CDK20: variants seen among roughly 807,000 people sequenced by gnomAD.
CDK20 encodes the protein cyclin dependent kinase 20.
A neutral mutation model predicts 38.6 loss-of-function variants in CDK20; 40 were observed. The observed-to-expected ratio is 1.04, with a 90% CI of 0.81 to 1.35. The LOEUF is 1.35. Among genes scored for constraint, CDK20 ranks in the 40% most tolerant of loss-of-function variants. CDK20 has a pLI of 0.00. For missense variants in CDK20, 512 were observed against 452.6 expected, an observed-to-expected ratio of 1.13 and a Z score of -1.19; for synonymous variants, 209 against 185.7, an observed-to-expected ratio of 1.13 and a Z score of -1.02.
intron 7 of CDK20, chr9:87,968,437 G>C (rs915941856): frequency 6.6e-6 from 1 of 152,528 alleles, no homozygotes; most frequent in African/African-American, 2.4e-5. Context: ...AAACACACGC[G>C]GCTGGTGCTG....
In CDK20 at chr9:87,967,367, G is replaced by A. The variant is rs565676896; in HGVS notation, c.*95C>T. ...TGTGGTGTGGGCCCACTGTGGCCAT[G>A]GGGAGGCCTTGGAGGGTGAAGCCAG... On this transcript the variant is annotated 3_prime_UTR_variant, in exon 8 of 8. Transcript: ENST00000325303. The A allele has an allele frequency of 4.2e-5, 53 of 1,267,570 alleles. No individual in the cohort carries two copies. Among genetic ancestry groups the A allele is most frequent in the Non-Finnish European group, 5.7e-5 (51 of 889,002 alleles). 78.5% of individuals were successfully genotyped at this position (1,267,570 alleles called of 1,614,324 possible). A position where few individuals can be genotyped will look rare whatever the true frequency, so the allele number is the denominator to read the frequency against.
At chr9:87,970,295 A>C in intron 5 of CDK20, 1 of 507,992 alleles carries the variant, frequency 2.0e-6, no homozygotes, top group East Asian at 3.1e-5. Context: ...ATCTAACTCC[A>C]GCACATATCG....
At chr9:87,972,613 T>TA (rs1587627345) in intron 2 of CDK20, among the ~76,000 whole-genome samples, 1 of 152,196 alleles carries the variant, frequency 6.6e-6, no homozygotes, top group Non-Finnish European at 1.5e-5. Flanking sequence ...TGACTTAACT[T>TA]ACACTTTTGA....
At chr9:87,969,029 T>C in intron 7 of CDK20, 165 bp downstream of exon 7, 2 of 761,022 alleles carry the variant, frequency 2.6e-6, no homozygotes, top group Non-Finnish European at 4.2e-6. Context: ...GCACACCTGC[T>C]CCAAGGCCCC....
chr9:87,971,916 C>CA (rs1829888693), intron 2 of CDK20, among the ~76,000 whole-genome samples: 2 of 152,158 alleles, frequency 1.3e-5, no homozygotes, highest in Admixed American at 6.5e-5. Context: ...AACCAAAATA[C>CA]AAGGGGGCTG....
Position 87,974,476 on chromosome 9 carries a change from TGCCCCTGA to T in CDK20, c.-38_-31del, listed in dbSNP as rs750172082. 111 of 1,595,144 alleles carry T rather than the reference TGCCCCTGA, an allele frequency of 7.0e-5. 1 individual carries two copies. The South Asian group carries it at 1.1e-3, about 15-fold the overall frequency. ...CTGCAGTCGTGGGCCTGTGCCCCTG[TGCCCCTGA>T]ACTTCCAAACTCCACTTCTCCTCCA... On this transcript the variant is annotated 5_prime_UTR_variant, in exon 1 of 8. Coordinates refer to ENST00000325303, the MANE Select transcript of CDK20 (RefSeq NM_001039803.3).
chr9:87,967,150 C>T lies in CDK20; in HGVS notation c.*312G>A, dbSNP rs1283329512. On this transcript the variant is annotated 3_prime_UTR_variant, in exon 8 of 8. Transcript: ENST00000325303. ...GAAGCAGCACCAAGGCAGGCATCGT[C>T]ATTCTGCATATGCAGGCCTTGACTG... 1.6e-6 allele frequency: 1 copy of T among 625,610 alleles called. No individual in the cohort carries two copies. The highest frequency in any genetic ancestry group is 3.0e-6 in the Non-Finnish European group (1 of 328,872). 38.8% of individuals were successfully genotyped at this position (625,610 alleles called of 1,614,324 possible). A position where few individuals can be genotyped will look rare whatever the true frequency, so the allele number is the denominator to read the frequency against.
rs769011480 is a variant in CDK20 at position 87,967,444 on chromosome 9, G to A, written c.*18C>T. 61 of 1,552,096 alleles carry A rather than the reference G, an allele frequency of 3.9e-5. No homozygotes were observed. Among genetic ancestry groups the A allele is most frequent in the Middle Eastern group, 3.3e-4 (2 of 5,992 alleles). On this transcript the variant is annotated 3_prime_UTR_variant, in exon 8 of 8. Coordinates refer to ENST00000325303, the MANE Select transcript of CDK20 (RefSeq NM_001039803.3). ...GAGTGGTCCTGAGGAGCAGGCAGAC[G>A]GGACCAGGGCCAACTTCTCACCCCT...
intron 5 of CDK20, 87 bp from the exon 6 acceptor site, chr9:87,970,006 AGG>A: frequency 7.0e-7 from 1 of 1,428,588 alleles, no homozygotes; most frequent in South Asian, 1.5e-5. Flanking sequence ...ACTGCACTCC[AGG>A]GCAAGGCCCC....
intron 2 of CDK20, among the ~76,000 whole-genome samples, chr9:87,972,365 C>T (rs1274903590): frequency 6.6e-6 from 1 of 152,030 alleles, no homozygotes; most frequent in Admixed American, 6.6e-5. Context: ...AGTGCAAGGC[C>T]CTAACGCCAG....
intron 2 of CDK20, 83 bp downstream of exon 2, chr9:87,973,839 G>T: frequency 7.2e-7 from 1 of 1,392,526 alleles, no homozygotes; most frequent in Non-Finnish European, 1.0e-6. Flanking sequence ...GCTGGTGAAG[G>T]CGTAGCTGGG....
At position 87,967,602 on chromosome 9, in the gene CDK20, G is replaced by A; in HGVS notation, c.901C>T (p.Pro301Ser). ...GGTCCCCCTAGACGCTGAGGAATCG[G>A]CAGCTCAGATGGATGGGCAGGCAGG... ...APLPAHPSELPIPQRLGGPAP... is the reference protein window; with the variant it reads ...APLPAHPSELSIPQRLGGPAP... The change falls in exon 8 of 8, where the codon CCG becomes TCG. Residue 301 changes from proline to serine, a missense_variant. By Grantham distance (74) the Pro-to-Ser change is moderately conservative. Transcript: ENST00000325303. 6.6e-7 allele frequency: 1 copy of A among 1,523,906 alleles called. No individual in the cohort carries two copies. Among genetic ancestry groups the A allele is most frequent in the Non-Finnish European group, 8.8e-7 (1 of 1,131,190 alleles). 94.4% of individuals were successfully genotyped at this position (1,523,906 alleles called of 1,614,324 possible).
intron 6 of CDK20, chr9:87,969,566 A>C: frequency 1.3e-6 from 1 of 766,278 alleles, no homozygotes; most frequent in Non-Finnish European, 2.1e-6. Flanking sequence ...CAGCTTGCTG[A>C]GACACTGCAC....
In CDK20 at chr9:87,970,827, C is replaced by G. The variant is rs770440691; in HGVS notation, c.449G>C (p.Arg150Pro). The change falls in exon 4 of 8, where the codon CGA becomes CCA. Residue 150 changes from arginine (R) to proline (P), a missense_variant. By Grantham distance (103) the Arg-to-Pro change is moderately radical. Coordinates refer to ENST00000325303, the MANE Select transcript of CDK20 (RefSeq NM_001039803.3). ...GCGGCTGCCGTCTGGGGAAAAGACTCGAGCCAGGCCAAAGTCCGCTATCTT... is the reference window on the plus strand; with the variant it reads ...GCGGCTGCCGTCTGGGGAAAAGACTGGAGCCAGGCCAAAGTCCGCTATCTT... ...QLKIADFGLA[R>P]VFSPDGSRLY... The G allele has an allele frequency of 6.2e-7, 1 of 1,614,084 alleles. No individual in the cohort carries two copies. Among genetic ancestry groups the G allele is most frequent in the South Asian group, 1.1e-5 (1 of 91,060 alleles).
rs147313890 is a variant in CDK20, at chr9:87,971,463, G to T, written c.190-128C>A. Reference sequence around the variant, plus strand: ...AAAGACAGTAAGCAAAGAAGGTGACGTGGACCTGAGCTAAGAATCAGAGAG... The same window carrying T: ...AAAGACAGTAAGCAAAGAAGGTGACTTGGACCTGAGCTAAGAATCAGAGAG... On this transcript the variant is annotated intron_variant, in intron 2 of 7. Coordinates refer to ENST00000325303, the MANE Select transcript of CDK20 (RefSeq NM_001039803.3). 1.9e-5 allele frequency: 15 copies of T among 782,830 alleles called. No homozygotes were observed. In the East Asian group the frequency reaches 3.8e-4, roughly 20 times the overall value. The allele number at this position is 782,830 out of a possible 1,614,324, so 48.5% of individuals were successfully genotyped here. A position where few individuals can be genotyped will look rare whatever the true frequency, so the allele number is the denominator to read the frequency against.
Position 87,974,474 on chromosome 9 carries a change from T to C in CDK20, c.-28A>G. 6.3e-7 allele frequency: 1 copy of C among 1,597,382 alleles called. No individual in the cohort carries two copies. On this transcript the variant is annotated 5_prime_UTR_variant, in exon 1 of 8. Transcript: ENST00000325303. ...CGCTGCAGTCGTGGGCCTGTGCCCC[T>C]GTGCCCCTGAACTTCCAAACTCCAC...
At chr9:87,974,306 AGAG>A in intron 1 of CDK20, 63 bp downstream of exon 1, 1 of 1,510,946 alleles carries the variant, frequency 6.6e-7, no homozygotes. Context: ...GAAACAGTTT[AGAG>A]CGTTAGCCGG....
intron 5 of CDK20, 145 bp downstream of exon 5, chr9:87,970,423 G>C (rs1009072611): frequency 1.4e-6 from 1 of 724,784 alleles, no homozygotes; most frequent in Non-Finnish European, 2.3e-6. Flanking sequence ...ACCCCAAAGT[G>C]CTCAGAATAC....
chr9:87,969,782 G>A lies in CDK20; in HGVS notation c.687+14C>T, dbSNP rs922092411. 6.2e-6 allele frequency: 10 copies of A among 1,613,680 alleles called. No individual in the cohort carries two copies. The highest frequency in any genetic ancestry group is 8.5e-6 in the Non-Finnish European group (10 of 1,179,784). ...ACCTGCCCCACACCCACCTCACCAA[G>A]GGCCCCTACAAACCGGCCAGACTTG... On this transcript the variant is annotated intron_variant, in intron 6 of 7. Transcript: ENST00000325303.
Sources: gnomAD v4.1 joint callset for allele counts (sites outside exome capture counted in the v4.1 genomes callset) on GRCh38, gnomAD v4.1.1 for gene constraint, MANE v1.5 for transcripts, NCBI Gene and HGNC (gene_info 2026-07-23, HGNC 2026-07-21) for gene names.